The following MYH9 variants were observed in gnomAD, a reference collection of about 807,000 sequenced individuals.
MYH9 encodes myosin-9.
In MYH9, 29 loss-of-function variants were observed where a neutral mutation model predicts 241.9. The ratio of observed to expected loss-of-function variants is 0.12; its 90% CI spans 0.09 to 0.16. The LOEUF (loss-of-function observed/expected upper bound fraction) is 0.16, where lower values mean the gene tolerates loss of function less well. MYH9 is among the 10% of genes least tolerant of loss of function. The probability of loss-of-function intolerance (pLI) is 1.00; values close to 1 mark genes in which losing one functional copy is unlikely to be tolerated. For synonymous variants in MYH9, 1,047 were observed against 1,062.6 expected (o/e 0.99, Z 0.29); for missense variants, 1,803 against 2,595.5 (o/e 0.69, Z 6.63).
At chr22:36,332,955 A>G (rs1460026310) in intron 3 of MYH9, among the ~76,000 whole-genome samples, 1 of 152,184 alleles carries the variant, frequency 6.6e-6, no homozygotes, top group East Asian at 1.9e-4. Context: ...CCCACAGCAC[A>G]TGCCACCGGG....
intron 3 of MYH9, among the ~76,000 whole-genome samples, chr22:36,336,459 G>A (rs1006266584): frequency 4.6e-5 from 7 of 152,174 alleles, no homozygotes; most frequent in Admixed American, 1.3e-4. Flanking sequence ...CCCATCCCCC[G>A]CTGCCTGGCA....
intron 12 of MYH9, among the ~76,000 whole-genome samples, chr22:36,316,155 A>G (rs1232318017): frequency 6.7e-6 from 1 of 148,820 alleles, no homozygotes; most frequent in East Asian, 2.0e-4. Flanking sequence ...CTCCTGCCTC[A>G]GCCTCCTGAG....
chr22:36,350,537 CAA>C (rs756853566), intron 1 of MYH9, among the ~76,000 whole-genome samples: 27 of 151,734 alleles, frequency 1.8e-4, no homozygotes, highest in Admixed American at 1.2e-3. Flanking sequence ...AACTCCGTCT[CAA>C]AAAAAAGACA....
At chr22:36,340,429 G>C (rs1324747493) in intron 3 of MYH9, among the ~76,000 whole-genome samples, 4 of 151,924 alleles carry the variant, frequency 2.6e-5, no homozygotes, top group Non-Finnish European at 4.4e-5. Context: ...GGGAGGCCGA[G>C]GTGGGTGGAT....
At chr22:36,359,896 T>C (rs2017910707) in intron 1 of MYH9, among the ~76,000 whole-genome samples, 1 of 152,220 alleles carries the variant, frequency 6.6e-6, no homozygotes. Context: ...GATAAATGCT[T>C]GTAATGTACC....
rs200977419 is a variant in MYH9, at chr22:36,291,976, G to A, written c.4344+10C>T. On this transcript the variant is annotated intron_variant, in intron 31 of 40. Coordinates refer to ENST00000216181, the MANE Select transcript of MYH9 (RefSeq NM_002473.6). ...AGGAAATGCAAAGGATGGGGCCAAC[G>A]GCCACACACCTGGTCAAACTTCTTC... 1,009 of 1,614,094 alleles carry A rather than the reference G, an allele frequency of 6.3e-4. No individual in the cohort carries two copies. Among genetic ancestry groups the A allele is most frequent in the Non-Finnish European group, 7.6e-4 (892 of 1,180,038 alleles).
chr22:36,382,565 G>A (rs1025128790), intron 1 of MYH9, among the ~76,000 whole-genome samples: 6 of 151,870 alleles, frequency 4.0e-5, no homozygotes, highest in African/African-American at 9.7e-5. Context: ...CACTTTGGGA[G>A]GCCAAGGCGG....
chr22:36,289,265 C>T lies in MYH9; in HGVS notation c.4377G>A (p.Lys1459=). 1.2e-6 allele frequency: 2 copies of T among 1,612,632 alleles called. No individual in the cohort carries two copies. The highest frequency in any genetic ancestry group is 2.2e-5 in the South Asian group (2 of 91,010). The change falls in exon 32 of 41, where the codon AAG becomes AAA. Residue 1459 remains lysine (K), a synonymous_variant. Transcript: ENST00000216181. ...LLAEEKTISA[K]YAEERDRAEA... ...CAGCCCGGTCGCGCTCCTCTGCATA[C>T]TTGGCAGAGATGGTCTTCTCCTCCG...
chr22:36,322,769 G>C (rs568300458), intron 5 of MYH9, among the ~76,000 whole-genome samples: 1 of 152,222 alleles, frequency 6.6e-6, no homozygotes, highest in Non-Finnish European at 1.5e-5. Context: ...CCCTGGAAAC[G>C]GCAGGCAGGA....
At chr22:36,307,709 G>A (rs910357114) in intron 15 of MYH9, among the ~76,000 whole-genome samples, 19 of 152,136 alleles carry the variant, frequency 1.2e-4, no homozygotes, top group Admixed American at 4.6e-4. Context: ...CTAACATGGT[G>A]AAACCCCATC....
chr22:36,359,230 T>C (rs1940966294), intron 1 of MYH9, among the ~76,000 whole-genome samples: 1 of 152,240 alleles, frequency 6.6e-6, no homozygotes, highest in African/African-American at 2.4e-5. Context: ...TTGGGTCTCA[T>C]TCATCAATTC....
At chr22:36,312,724 G>A (rs1336764287) in intron 13 of MYH9, among the ~76,000 whole-genome samples, 1 of 152,206 alleles carries the variant, frequency 6.6e-6, no homozygotes, top group Non-Finnish European at 1.5e-5. Flanking sequence ...AAGCAGGTTT[G>A]GACACTGCAG....
chr22:36,353,001 C>T (rs929790174), intron 1 of MYH9, among the ~76,000 whole-genome samples: 2 of 151,806 alleles, frequency 1.3e-5, no homozygotes, highest in Non-Finnish European at 2.9e-5. Context: ...TCTATGAAAG[C>T]CCCCTCGGCC....
chr22:36,290,699 G>A (rs1324505711), intron 31 of MYH9, among the ~76,000 whole-genome samples: 1 of 151,682 alleles, frequency 6.6e-6, no homozygotes, highest in Non-Finnish European at 1.5e-5. Flanking sequence ...TCTAGGAGGT[G>A]AGGAGCGCCT....
rs554035925 is a variant in MYH9, at chr22:36,326,747, C to T, written c.519-86G>A. On this transcript the variant is annotated intron_variant, in intron 4 of 40. Coordinates refer to ENST00000216181, the MANE Select transcript of MYH9 (RefSeq NM_002473.6). The stretch of plus-strand genomic sequence containing the variant: ...CTTCCCACTGCACGCTCCACTGCCT[C>T]GCATTCTGTTGGGTGCCCGTGAAGG... The T allele has an allele frequency of 1.6e-3, 1,843 of 1,181,548 alleles. 6 individuals are homozygous for T. The highest frequency in any genetic ancestry group is 2.0e-3 in the Non-Finnish European group (1,592 of 791,794). The allele number at this position is 1,181,548 out of a possible 1,614,324, so 73.2% of individuals were successfully genotyped here.
intron 1 of MYH9, among the ~76,000 whole-genome samples, chr22:36,361,574 A>T (rs552945501): frequency 2.7e-5 from 4 of 150,374 alleles, no homozygotes; most frequent in East Asian, 1.9e-4. Context: ...AATTTCTTTT[A>T]AAAAAAAAAT....
chr22:36,326,244 G>A (rs765982766), intron 5 of MYH9, among the ~76,000 whole-genome samples: 1 of 152,168 alleles, frequency 6.6e-6, no homozygotes, highest in Non-Finnish European at 1.5e-5. Flanking sequence ...ACCAAGTCTT[G>A]GAATCTGCCT....
intron 2 of MYH9, 41 bp downstream of exon 2, chr22:36,348,863 C>G: frequency 1.6e-6 from 2 of 1,235,178 alleles, no homozygotes; most frequent in Middle Eastern, 4.0e-4. Context: ...CACCTCGGAG[C>G]CCTCAGACCC....
Position 36,302,619 on chromosome 22 carries a change from G to A in MYH9, c.2448C>T (p.Cys816=), listed in dbSNP as rs113285582. The change falls in exon 20 of 41, where the codon TGC becomes TGT. Residue 816 remains cysteine (C), a synonymous_variant. Transcript: ENST00000216181. ...LTAMKVLQRN[C]AAYLKLRNWQ... is the part of the protein sequence containing the mutation. Reference sequence around the variant, plus strand: ...AGTTCCGCAGCTTCAGGTAGGCAGCGCAGTTCCGCTGGAGGACCTTCATGG... The same window carrying A: ...AGTTCCGCAGCTTCAGGTAGGCAGCACAGTTCCGCTGGAGGACCTTCATGG... 1.7e-3 allele frequency: 2,749 copies of A among 1,613,602 alleles called. 4 individuals are homozygous for A. The highest frequency in any genetic ancestry group is 3.4e-3 in the South Asian group (307 of 91,088).
Sources: gnomAD v4.1 joint callset for allele counts (sites outside exome capture counted in the v4.1 genomes callset) on GRCh38, gnomAD v4.1.1 for gene constraint, MANE v1.5 for transcripts, NCBI Gene and HGNC (gene_info 2026-07-23, HGNC 2026-07-21) for gene names.